The following XIST variants were observed in gnomAD, a reference collection of about 807,000 sequenced individuals.
XIST encodes X inactive specific transcript, also known as X inactive specific transcript (non-protein coding).
exon 6 of XIST, chrX:73,822,821 CG>C: frequency 1.8e-6 from 1 of 558,566 alleles, no homozygotes; most frequent in Non-Finnish European, 3.2e-6. Flanking sequence ...CACTCTACAA[CG>C]CATGTCAAAG....
chrX:73,833,407 C>T, intron 2 of XIST: 1 of 525,850 alleles, frequency 1.9e-6, no homozygotes, highest in Non-Finnish European at 3.4e-6. Context: ...AGTAGGCTAC[C>T]AAAGCACCGG....
At chrX:73,848,005 A>T in exon 1 of XIST, 2 of 559,342 alleles carry the variant, frequency 3.6e-6, no homozygotes, top group Non-Finnish European at 6.5e-6. Context: ...TCTTGACTAG[A>T]GGTCATCCAC....
At chrX:73,843,312 T>A (rs763416768) in exon 1 of XIST, 4 of 556,867 alleles carry the variant, frequency 7.2e-6, no homozygotes, top group South Asian at 6.7e-5. Context: ...ACCCCCGATG[T>A]AAGCAACGAG....
chrX:73,844,222 G>A (rs753380906), exon 1 of XIST: 9 of 558,827 alleles, frequency 1.6e-5, no homozygotes, highest in Middle Eastern at 3.1e-4. Context: ...AATGGAGGGT[G>A]AGAAGGTAGA....
exon 1 of XIST, chrX:73,851,989 T>C (rs1290721016): frequency 1.8e-6 from 1 of 547,808 alleles, no homozygotes; most frequent in Non-Finnish European, 3.3e-6. Flanking sequence ...TTTTCATCCA[T>C]AAAAAGCACC....
chrX:73,841,501 A>G lies in XIST; in HGVS notation n.11223T>C, dbSNP rs770112007. ...TCTCCGAGAAACAATATTCTTTTTC[A>G]GTTATTACAAAGAACTGCTGTTGTG... On this transcript the variant is annotated non_coding_transcript_exon_variant, in exon 1 of 6. Coordinates refer to ENST00000429829, the Ensembl canonical transcript of XIST. 10 of 556,125 alleles carry G rather than the reference A, an allele frequency of 1.8e-5. No homozygotes were observed. In the South Asian group the frequency reaches 2.2e-4, roughly 12 times the overall value. The allele number at this position is 556,125 out of a possible 1,213,427, so 45.8% of individuals were successfully genotyped here.
intron 5 of XIST, chrX:73,828,828 C>T (rs1922320124): frequency 6.5e-6 from 2 of 309,489 alleles, no homozygotes; most frequent in Non-Finnish European, 1.1e-5. Context: ...ACAGTGAAGA[C>T]ATAGAACACA....
chrX:73,834,731 A>G lies in XIST; in HGVS notation n.11407-1357T>C, dbSNP rs535178437. Among the ~76,000 whole-genome samples, 27 of 110,229 alleles carry G rather than the reference A, an allele frequency of 2.4e-4. No individual in the cohort carries two copies. In the South Asian group the frequency reaches 7.0e-3, roughly 29 times the overall value. On this transcript the variant is annotated intron_variant and non_coding_transcript_variant, in intron 2 of 5. Transcript: ENST00000429829. ...CCAGGCGCAGTGGCTCATGCCTGTA[A>G]TCCTAGCACTTTGGGAGGCCAAGGC...
At chrX:73,823,305 C>CT in exon 6 of XIST, 1 of 435,534 alleles carries the variant, frequency 2.3e-6, no homozygotes, top group Non-Finnish European at 3.9e-6. Context: ...TTGCATTTTT[C>CT]TTTCTTTTTT....
chrX:73,845,474 G>T, exon 1 of XIST: 1 of 556,812 alleles, frequency 1.8e-6, no homozygotes, highest in Non-Finnish European at 3.2e-6. Context: ...AGGGTATATG[G>T]AGTGGACACT....
Position 73,827,241 on chromosome X carries a change from G to A in XIST, n.12660C>T, listed in dbSNP as rs187945496. On this transcript the variant is annotated non_coding_transcript_exon_variant, in exon 6 of 6. Coordinates refer to ENST00000429829, the Ensembl canonical transcript of XIST. ...CACAATGCTTGCTCTGATAGCCGAC[G>A]TTCTGCACCTATCAGGCAGGGGTTA... The A allele has an allele frequency of 2.8e-4, 154 of 556,428 alleles. No homozygotes were observed. The African/African-American group carries it at 3.1e-3, about 11-fold the overall frequency. 45.9% of individuals were successfully genotyped at this position (556,428 alleles called of 1,213,427 possible).
chrX:73,833,766 T>C (rs1343296988), intron 2 of XIST: 1 of 121,432 alleles, frequency 8.2e-6, no homozygotes, highest in Non-Finnish European at 1.7e-5. Context: ...CTATCTACCT[T>C]TACTATAGCA....
exon 1 of XIST, chrX:73,850,706 AGGGGGGTG>A (rs1922904897): frequency 4.8e-6 from 1 of 206,344 alleles, no homozygotes; most frequent in East Asian, 1.3e-4. Context: ...GTAGGGGGGT[AGGGGGGTG>A]GGGAGGTGGG....
chrX:73,841,367 C>T lies in XIST; in HGVS notation n.11342+15G>A, dbSNP rs1922582770. On this transcript the variant is annotated intron_variant and non_coding_transcript_variant, in intron 1 of 5. Coordinates refer to ENST00000429829, the Ensembl canonical transcript of XIST. ...TAGGAAAAAGATTACTTAATAGCTA[C>T]GAAGTAGTACTTACAGTATTCTAAA... The T allele has an allele frequency of 1.1e-5, 5 of 475,873 alleles. No homozygotes were observed. In the Admixed American group the frequency reaches 1.3e-4, roughly 12 times the overall value. 39.2% of individuals were successfully genotyped at this position (475,873 alleles called of 1,213,427 possible). A position where few individuals can be genotyped will look rare whatever the true frequency, so the allele number is the denominator to read the frequency against.
At chrX:73,842,673 G>C in exon 1 of XIST, 1 of 557,963 alleles carries the variant, frequency 1.8e-6, no homozygotes, top group Non-Finnish European at 3.2e-6. Flanking sequence ...AGCATACTCA[G>C]AAGCAATGCG....
exon 6 of XIST, chrX:73,823,988 T>G (rs1922191007): frequency 1.8e-6 from 1 of 554,834 alleles, no homozygotes; most frequent in African/African-American, 2.2e-5. Context: ...GCTTTGTAAA[T>G]CTACACATAG....
At chrX:73,852,505 T>C (rs1922977120) in exon 1 of XIST, 2 of 540,689 alleles carry the variant, frequency 3.7e-6, no homozygotes, top group Non-Finnish European at 6.6e-6. Flanking sequence ...ATATTCCAAA[T>C]ACTTTCTTTA....
At chrX:73,829,393 T>C in intron 4 of XIST, 1 of 410,099 alleles carries the variant, frequency 2.4e-6, no homozygotes, top group Non-Finnish European at 4.2e-6. Flanking sequence ...AATTTCCTCA[T>C]TCAACAGAAT....
At chrX:73,851,854 C>T (rs1764916501) in exon 1 of XIST, 1 of 556,481 alleles carries the variant, frequency 1.8e-6, no homozygotes, top group South Asian at 2.2e-5. Flanking sequence ...CTGAACACGC[C>T]CTTAGCTTAA....
Sources: gnomAD v4.1 joint callset for allele counts (sites outside exome capture counted in the v4.1 genomes callset) on GRCh38, gnomAD v4.1.1 for gene constraint, MANE v1.5 for transcripts, NCBI Gene and HGNC (gene_info 2026-07-23, HGNC 2026-07-21) for gene names.